The following LCK variants were observed in gnomAD, a reference collection of about 807,000 sequenced individuals.
LCK encodes LCK proto-oncogene, Src family tyrosine kinase.
In LCK, 14 loss-of-function variants were observed where a neutral mutation model predicts 64.6. The ratio of observed to expected loss-of-function variants is 0.22; its 90% CI spans 0.14 to 0.34. The LOEUF (loss-of-function observed/expected upper bound fraction) is 0.34, where lower values mean the gene tolerates loss of function less well. Ranked by LOEUF, LCK falls within the 10% of genes least tolerant of loss-of-function variation. The probability of loss-of-function intolerance (pLI) is 1.00; values close to 1 mark genes in which losing one functional copy is unlikely to be tolerated. For synonymous variants in LCK, 277 were observed against 263.6 expected, an observed-to-expected ratio of 1.05 and a Z score of -0.49; for missense variants, 434 against 668.1, an observed-to-expected ratio of 0.65 and a Z score of 3.86.
chr1:32,257,848 T>C (rs1404831952), intron 1 of LCK, among the ~76,000 whole-genome samples: 1 of 152,192 alleles, frequency 6.6e-6, no homozygotes, highest in African/African-American at 2.4e-5. Context: ...ATATCCCTTA[T>C]TTATAGCGAT....
chr1:32,254,723 G>A (rs1300195673), intron 1 of LCK, among the ~76,000 whole-genome samples: 1 of 151,518 alleles, frequency 6.6e-6, no homozygotes, highest in African/African-American at 2.4e-5. Flanking sequence ...TGTTGGTCAG[G>A]CTGATCTTGA....
At position 32,275,792 on chromosome 1, in the gene LCK, C is replaced by G. The variant is rs1640247772; in HGVS notation, c.481+120C>G. On this transcript the variant is annotated intron_variant, in intron 6 of 12. Transcript: ENST00000336890. The surrounding 1 kb of genome is among the most constrained non-coding windows in gnomAD (Gnocchi z 6.9). ...GTCGGAGGGGGACGCGGGATGAGCC[C>G]GAGGTGGGGGCGCGGGATGACCCGG... is the stretch of plus-strand genomic sequence containing the variant. 1 of 1,338,380 alleles carries G rather than the reference C, an allele frequency of 7.5e-7. No individual in the cohort carries two copies. Among genetic ancestry groups the G allele is most frequent in the South Asian group, 1.5e-5 (1 of 66,936 alleles). The allele number at this position is 1,338,380 out of a possible 1,614,324, so 82.9% of individuals were successfully genotyped here.
chr1:32,273,069 T>A (rs1403574888), intron 1 of LCK, among the ~76,000 whole-genome samples: 3 of 136,528 alleles, frequency 2.2e-5, no homozygotes, highest in African/African-American at 8.4e-5. Context: ...GGAGCCTGTG[T>A]GTGTAGGGGG....
chr1:32,265,329 A>G (rs2124326145), intron 1 of LCK, among the ~76,000 whole-genome samples: 1 of 152,376 alleles, frequency 6.6e-6, no homozygotes, highest in Non-Finnish European at 1.5e-5. Flanking sequence ...CCTCCCCGGC[A>G]CTAGCCTGGG....
At chr1:32,253,317 G>A (rs552291037) in intron 1 of LCK, among the ~76,000 whole-genome samples, 1 of 152,130 alleles carries the variant, frequency 6.6e-6, no homozygotes, top group Non-Finnish European at 1.5e-5. Context: ...AGCAGAGATC[G>A]AGTCATTGCA....
In LCK at chr1:32,285,766, T is replaced by A; in HGVS notation, c.*50T>A. ...CTCCCCCTTTCTCTCCAGCCTGACT[T>A]GGGGAGATGGAGTTCTTGTGCCATA... On this transcript the variant is annotated 3_prime_UTR_variant, in exon 13 of 13. Coordinates refer to ENST00000336890, the MANE Select transcript of LCK (RefSeq NM_005356.5). The A allele has an allele frequency of 6.5e-7, 1 of 1,539,268 alleles. No homozygotes were observed. Among genetic ancestry groups the A allele is most frequent in the Non-Finnish European group, 8.8e-7 (1 of 1,137,246 alleles).
chr1:32,258,568 T>A (rs1263153436), intron 1 of LCK, among the ~76,000 whole-genome samples: 1 of 147,392 alleles, frequency 6.8e-6, no homozygotes. Flanking sequence ...GATCACAACA[T>A]CAGAAGTTCG....
chr1:32,261,746 G>GTT (rs1259345641), intron 1 of LCK, among the ~76,000 whole-genome samples: 1 of 150,338 alleles, frequency 6.7e-6, no homozygotes, highest in East Asian at 2.0e-4. Context: ...GAGGTCAGGA[G>GTT]TTTAAGACCA....
chr1:32,259,839 TAAAG>T (rs1639724131), intron 1 of LCK, among the ~76,000 whole-genome samples: 3 of 151,598 alleles, frequency 2.0e-5, no homozygotes, highest in East Asian at 1.9e-4. Context: ...TAAAATAAAA[TAAAG>T]AAAGAAATTA....
intron 12 of LCK, among the ~76,000 whole-genome samples, chr1:32,281,715 A>T (rs1640465468): frequency 2.0e-5 from 3 of 152,042 alleles, no homozygotes; most frequent in Non-Finnish European, 4.4e-5. Context: ...AGATTTGTAG[A>T]AGCTTCCCAT....
intron 9 of LCK, among the ~76,000 whole-genome samples, chr1:32,278,980 C>T (rs1426391329): frequency 6.6e-6 from 1 of 152,158 alleles, no homozygotes; most frequent in African/African-American, 2.4e-5. Context: ...ACCCCCAGAC[C>T]CCCTCTTTCT....
At chr1:32,254,849 T>C (rs765630973) in intron 1 of LCK, among the ~76,000 whole-genome samples, 5 of 152,234 alleles carry the variant, frequency 3.3e-5, no homozygotes, top group Middle Eastern at 3.4e-3. Flanking sequence ...ACATTGCTGT[T>C]TTAAAAACAC....
intron 12 of LCK, among the ~76,000 whole-genome samples, chr1:32,283,841 T>C (rs962339270): frequency 6.6e-5 from 10 of 152,166 alleles, no homozygotes; most frequent in African/African-American, 2.4e-4. Flanking sequence ...CATCTCATCA[T>C]TCCTACCAAA....
At chr1:32,264,232 T>C (rs2124323761) in intron 1 of LCK, among the ~76,000 whole-genome samples, 1 of 152,126 alleles carries the variant, frequency 6.6e-6, no homozygotes, top group East Asian at 1.9e-4. Context: ...AGCACAGTGG[T>C]CAAATTTTTG....
In LCK at chr1:32,279,871, C is replaced by T. The variant is rs1041748687; in HGVS notation, c.1072C>T (p.Arg358Trp). The change falls in exon 11 of 13, where the codon CGG becomes TGG. Residue 358 changes from arginine to tryptophan, a missense_variant. By Grantham distance (101) the Arg-to-Trp change is moderately radical (BLOSUM62 -3). Around this residue, in one of 2 missense-constraint regions of LCK, gnomAD observed 201 missense variants for 376.9 expected, o/e 0.53. Coordinates refer to ENST00000336890, the MANE Select transcript of LCK (RefSeq NM_005356.5). ...AGAAGGCATGGCATTCATTGAAGAG[C>T]GGAATTATATTCATCGTGACCTTCG... ...IAEGMAFIEE[R>W]NYIHRDLRAA... The T allele has an allele frequency of 2.2e-5, 35 of 1,614,066 alleles. No homozygotes were observed. Among genetic ancestry groups the T allele is most frequent in the East Asian group, 4.5e-5 (2 of 44,894 alleles).
chr1:32,278,952 A>G (rs1640365782), intron 9 of LCK, among the ~76,000 whole-genome samples: 1 of 152,128 alleles, frequency 6.6e-6, no homozygotes, highest in Non-Finnish European at 1.5e-5. Context: ...CTCCACTATT[A>G]GAGAGGTGGT....
At chr1:32,253,143 A>G (rs1376287805) in intron 1 of LCK, among the ~76,000 whole-genome samples, 3 of 152,148 alleles carry the variant, frequency 2.0e-5, no homozygotes, top group Non-Finnish European at 4.4e-5. Context: ...AGGCGGGCAG[A>G]TCATTTGAGG....
intron 1 of LCK, among the ~76,000 whole-genome samples, chr1:32,270,928 C>T (rs909058683): frequency 1.3e-5 from 2 of 149,362 alleles, no homozygotes; most frequent in African/African-American, 2.5e-5. Context: ...GGTCTCGATC[C>T]CTTAATCTTG....
chr1:32,269,066 C>A lies in LCK; in HGVS notation c.-5-5259C>A, dbSNP rs140733416. On this transcript the variant is annotated intron_variant, in intron 1 of 12. Coordinates refer to ENST00000336890, the MANE Select transcript of LCK (RefSeq NM_005356.5). ...AGGAGAGACAGAGCTTGCAGTGAGC[C>A]CAGATCACACCACTGCACTCCAGCC... Among the ~76,000 whole-genome samples, 366 of 149,942 alleles carry A rather than the reference C, an allele frequency of 2.4e-3. 1 individual carries two copies. The highest frequency in any genetic ancestry group is 5.9e-3 in the South Asian group (28 of 4,732).
Sources: allele counts gnomAD v4.1 joint callset (sites outside exome capture counted in the v4.1 genomes callset), GRCh38; gene constraint gnomAD v4.1.1; regional missense constraint gnomAD v4.1.1; non-coding constraint Gnocchi (gnomAD v3.1); transcripts MANE v1.5; gene names NCBI Gene and HGNC (gene_info 2026-07-23, HGNC 2026-07-21).